Variants in MCTP1 observed in about 807,000 individuals in gnomAD.
MCTP1 encodes multiple C2 and transmembrane domain-containing protein 1.
In MCTP1, 69 loss-of-function variants were observed where a neutral mutation model predicts 120.6. The ratio of observed to expected loss-of-function variants is 0.57; its 90% CI spans 0.47 to 0.70. The LOEUF is 0.70. Among genes scored for constraint, MCTP1 ranks in the 30% least tolerant of loss-of-function variants. The pLI is 0.00. For synonymous variants in MCTP1, 529 were observed against 493.1 expected, an observed-to-expected ratio of 1.07 and a Z score of -0.96; for missense variants, 1,203 against 1,248.8, an observed-to-expected ratio of 0.96 and a Z score of 0.55.
intron 2 of MCTP1, among the ~76,000 whole-genome samples, chr5:94,963,838 T>G (rs1824947821): frequency 6.6e-6 from 1 of 152,222 alleles, no homozygotes; most frequent in Non-Finnish European, 1.5e-5. Flanking sequence ...TGTACCTATC[T>G]TTGCTTTCGT....
At chr5:95,160,921 T>C (rs1369922945) in intron 1 of MCTP1, among the ~76,000 whole-genome samples, 1 of 152,162 alleles carries the variant, frequency 6.6e-6, no homozygotes, top group African/African-American at 2.4e-5. Context: ...AATATTGCTA[T>C]TATCAAAAAG....
chr5:95,271,255 C>A (rs539994031), intron 1 of MCTP1, among the ~76,000 whole-genome samples: 2 of 152,096 alleles, frequency 1.3e-5, no homozygotes, highest in African/African-American at 4.8e-5. Context: ...AGAGCCACTG[C>A]GAGACATTAG....
At chr5:94,993,063 T>C (rs779851601) in intron 2 of MCTP1, among the ~76,000 whole-genome samples, 9 of 152,232 alleles carry the variant, frequency 5.9e-5, no homozygotes. Flanking sequence ...CAAAGCTTTG[T>C]TCATTCTTTT....
chr5:94,881,801 ATTG>A (rs1800143884), intron 12 of MCTP1, among the ~76,000 whole-genome samples: 1 of 152,164 alleles, frequency 6.6e-6, no homozygotes, highest in Admixed American at 6.6e-5. Context: ...TGTCATTATT[ATTG>A]TTATTATTGT....
chr5:94,928,901 C>A (rs945497112), intron 6 of MCTP1, among the ~76,000 whole-genome samples: 1 of 152,058 alleles, frequency 6.6e-6, no homozygotes. Context: ...CTCAAGCTGG[C>A]GATTCTTCTT....
intron 1 of MCTP1, among the ~76,000 whole-genome samples, chr5:95,239,296 A>G (rs997430966): frequency 1.3e-5 from 2 of 152,188 alleles, no homozygotes; most frequent in Non-Finnish European, 2.9e-5. Flanking sequence ...TATGACCACA[A>G]TTAGCCCAAA....
chr5:94,825,761 A>G (rs1054869003), intron 17 of MCTP1, among the ~76,000 whole-genome samples: 4 of 151,776 alleles, frequency 2.6e-5, no homozygotes, highest in African/African-American at 9.7e-5. Context: ...ATACATACAT[A>G]TACATATATA....
chr5:94,713,024 C>T lies in MCTP1; in HGVS notation c.2720+1753G>A, dbSNP rs141271684. On this transcript the variant is annotated intron_variant, in intron 20 of 22. Coordinates refer to ENST00000515393, the MANE Select transcript of MCTP1 (RefSeq NM_024717.7). ...AACTGCCCTTTTCTATTTCTACACT[C>T]TGCATTATGGAATCTAAATCTAGAA... Among the ~76,000 whole-genome samples the T allele has an allele frequency of 6.3e-3, 959 of 152,154 alleles. 9 individuals carry two copies. Among genetic ancestry groups the T allele is most frequent in the African/African-American group, 0.022 (907 of 41,516 alleles).
intron 17 of MCTP1, among the ~76,000 whole-genome samples, chr5:94,837,102 G>A (rs1023323317): frequency 6.6e-6 from 1 of 152,182 alleles, no homozygotes; most frequent in Non-Finnish European, 1.5e-5. Context: ...GGGAGGCCCT[G>A]TGCAGTGACT....
At position 94,953,378 on chromosome 5, in the gene MCTP1, T is replaced by C; in HGVS notation, c.839-17A>G. On this transcript the variant is annotated splice_polypyrimidine_tract_variant and intron_variant, in intron 2 of 22. Coordinates refer to ENST00000515393, the MANE Select transcript of MCTP1 (RefSeq NM_024717.7). ...CACTCGTCCCTGTTAAATAGATAGA[T>C]TGATCCATGTTAATCATGACTTGGT... 1 of 1,554,352 alleles carries C rather than the reference T, an allele frequency of 6.4e-7. No homozygotes were observed.
At chr5:94,723,328 G>T (rs1353140676) in intron 19 of MCTP1, among the ~76,000 whole-genome samples, 1 of 152,180 alleles carries the variant, frequency 6.6e-6, no homozygotes, top group East Asian at 1.9e-4. Context: ...CTTTTAACAA[G>T]ATAGTATATT....
At chr5:95,183,388 A>G (rs1748835469) in intron 1 of MCTP1, among the ~76,000 whole-genome samples, 1 of 151,318 alleles carries the variant, frequency 6.6e-6, no homozygotes, top group Non-Finnish European at 1.5e-5. Context: ...ATTAATTTAA[A>G]ATAAATATAA....
chr5:95,168,167 T>G (rs1416621339), intron 1 of MCTP1, among the ~76,000 whole-genome samples: 2 of 152,220 alleles, frequency 1.3e-5, no homozygotes, highest in African/African-American at 4.8e-5. Flanking sequence ...TTTCCCCATT[T>G]CCTGTTTTTG....
In MCTP1 at chr5:94,912,886, C is replaced by G; in HGVS notation, c.1441G>C (p.Asp481His). 6.2e-7 allele frequency: 1 copy of G among 1,600,954 alleles called. No individual in the cohort carries two copies. Among genetic ancestry groups the G allele is most frequent in the Admixed American group, 1.7e-5 (1 of 57,958 alleles). Residue 481 changes from aspartate to histidine, a missense_variant, in exon 9 of 23, where the codon GAC becomes CAC. Asp to His is a moderately conservative substitution (Grantham distance 81). Coordinates refer to ENST00000515393, the MANE Select transcript of MCTP1 (RefSeq NM_024717.7). ...CCGTTGGAATCCATGGCCTTGAGGTCTCTCCCTTCAATCAAGGTGATGCTG... is the reference window on the plus strand; with the variant it reads ...CCGTTGGAATCCATGGCCTTGAGGTGTCTCCCTTCAATCAAGGTGATGCTG... ...IVSITLIEGR[D>H]LKAMDSNGLS...
chr5:94,843,725 C>A (rs1791648324), intron 17 of MCTP1, among the ~76,000 whole-genome samples: 1 of 152,040 alleles, frequency 6.6e-6, no homozygotes, highest in Admixed American at 6.6e-5. Context: ...AAGCTAAAGA[C>A]ACAAAAGTTC....
intron 4 of MCTP1, among the ~76,000 whole-genome samples, chr5:94,942,135 G>C (rs1273006608): frequency 6.6e-6 from 1 of 152,030 alleles, no homozygotes; most frequent in African/African-American, 2.4e-5. Flanking sequence ...TATCCAAGAA[G>C]TTTTCGGTTG....
chr5:95,259,826 T>C (rs1428780165), intron 1 of MCTP1, among the ~76,000 whole-genome samples: 1 of 152,226 alleles, frequency 6.6e-6, no homozygotes, highest in African/African-American at 2.4e-5. Context: ...AATTAAAATA[T>C]TAAGCTTACA....
intron 17 of MCTP1, among the ~76,000 whole-genome samples, chr5:94,842,133 G>T (rs1174409540): frequency 6.6e-6 from 1 of 152,168 alleles, no homozygotes; most frequent in Non-Finnish European, 1.5e-5. Flanking sequence ...GATTGATTTA[G>T]TTGCTGCAGT....
At chr5:95,124,993 C>T (rs1758515661) in intron 1 of MCTP1, among the ~76,000 whole-genome samples, 1 of 152,156 alleles carries the variant, frequency 6.6e-6, no homozygotes, top group African/African-American at 2.4e-5. Flanking sequence ...GAAGATCCTT[C>T]AGTAGTGATC....
Sources: gnomAD v4.1 joint callset for allele counts (sites outside exome capture counted in the v4.1 genomes callset) on GRCh38, gnomAD v4.1.1 for gene constraint, MANE v1.5 for transcripts, NCBI Gene and HGNC (gene_info 2026-07-23, HGNC 2026-07-21) for gene names.